TUSC3: variants seen among roughly 807,000 people sequenced by gnomAD.
The protein encoded by TUSC3 is dolichyl-diphosphooligosaccharide--protein glycosyltransferase subunit TUSC3.
A neutral mutation model predicts 44.8 loss-of-function variants in TUSC3; 45 were observed. That is an observed-to-expected ratio of 1.00 (90% confidence interval 0.79 to 1.29). The LOEUF is 1.29. Among genes scored for constraint, TUSC3 ranks in the 50% most tolerant of loss-of-function variants. The probability of loss-of-function intolerance (pLI) is 0.00; values close to 1 mark genes in which losing one functional copy is unlikely to be tolerated. For missense variants in TUSC3, 519 were observed against 437.9 expected (o/e 1.19, Z -1.65); for synonymous variants, 212 against 152.9 (o/e 1.39, Z -2.85).
chr8:15,833,596 C>G, the TUSC3 span, among the ~76,000 whole-genome samples: 2 of 152,042 alleles, frequency 1.3e-5, no homozygotes, highest in Admixed American at 6.6e-5. Flanking sequence ...AACAGAAAAC[C>G]AAATACCACA....
chr8:15,457,107 A>T (rs1330595207), intron 1 of TUSC3, among the ~76,000 whole-genome samples: 2 of 147,074 alleles, frequency 1.4e-5, no homozygotes, highest in African/African-American at 5.0e-5. Context: ...CATAGGTGGG[A>T]ATTGAACAAT....
chr8:15,651,773 A>G (rs1197121826), intron 3 of TUSC3, among the ~76,000 whole-genome samples: 1 of 152,120 alleles, frequency 6.6e-6, no homozygotes, highest in African/African-American at 2.4e-5. Context: ...CAAACTAATA[A>G]GCTTATTTAC....
chr8:15,614,915 C>T (rs1804923938), intron 1 of TUSC3, among the ~76,000 whole-genome samples: 1 of 136,886 alleles, frequency 7.3e-6, no homozygotes, highest in Non-Finnish European at 1.5e-5. Flanking sequence ...TACAGCTATT[C>T]AGGCTGTTAT....
At chr8:15,556,428 A>G (rs569007953) in intron 1 of TUSC3, among the ~76,000 whole-genome samples, 5 of 151,482 alleles carry the variant, frequency 3.3e-5, no homozygotes, top group Non-Finnish European at 5.9e-5. Flanking sequence ...GTTGGTTCCA[A>G]GTCTTTGCTG....
chr8:15,435,414 A>G (rs1284232609), intron 1 of TUSC3, among the ~76,000 whole-genome samples: 1 of 152,146 alleles, frequency 6.6e-6, no homozygotes, highest in Non-Finnish European at 1.5e-5. Flanking sequence ...AATTTTTTTG[A>G]TTTTAATACA....
chr8:15,473,441 A>C (rs1228379201), intron 1 of TUSC3, among the ~76,000 whole-genome samples: 1 of 152,232 alleles, frequency 6.6e-6, no homozygotes, highest in Non-Finnish European at 1.5e-5. Flanking sequence ...TTGCTCTTCA[A>C]CTTGAAGTCT....
intron 5 of TUSC3, among the ~76,000 whole-genome samples, chr8:15,663,943 T>G (rs544439928): frequency 2.0e-5 from 3 of 151,982 alleles, no homozygotes; most frequent in Non-Finnish European, 4.4e-5. Context: ...GTCACTATTT[T>G]AGTCTACCAA....
intron 6 of TUSC3, among the ~76,000 whole-genome samples, chr8:15,682,239 A>G (rs546402784): frequency 6.6e-6 from 1 of 152,180 alleles, no homozygotes; most frequent in Non-Finnish European, 1.5e-5. Context: ...TTATCTGTCT[A>G]ATGCTGTGAG....
intron 1 of TUSC3, among the ~76,000 whole-genome samples, chr8:15,544,114 G>T (rs777724346): frequency 6.6e-6 from 1 of 152,112 alleles, no homozygotes; most frequent in Non-Finnish European, 1.5e-5. Flanking sequence ...ATTGAATATA[G>T]TCATTAAAAA....
At chr8:15,610,987 C>T (rs866926946) in intron 1 of TUSC3, among the ~76,000 whole-genome samples, 2 of 152,008 alleles carry the variant, frequency 1.3e-5, no homozygotes, top group African/African-American at 4.8e-5. Flanking sequence ...ATTGTAGTAC[C>T]GTCCACTGAA....
chr8:15,640,468 G>A (rs779447617), intron 2 of TUSC3, among the ~76,000 whole-genome samples: 8 of 152,262 alleles, frequency 5.3e-5, no homozygotes, highest in Middle Eastern at 3.4e-3. Context: ...TACTGGGGAC[G>A]CCCAACACAC....
chr8:15,799,644 A>G, the TUSC3 span, among the ~76,000 whole-genome samples: 3,321 of 152,258 alleles, frequency 0.022, 108 homozygotes, highest in African/African-American at 0.076. Flanking sequence ...ACCTATTCCC[A>G]TGGACTTTTC....
the TUSC3 span, among the ~76,000 whole-genome samples, chr8:15,786,991 T>C: frequency 6.7e-6 from 1 of 150,008 alleles, no homozygotes; most frequent in Non-Finnish European, 1.5e-5. Flanking sequence ...AGATGAGATT[T>C]GAAGGTAGTA....
At chr8:15,736,873 T>C (rs116722292) in intron 7 of TUSC3, among the ~76,000 whole-genome samples, 3,042 of 152,258 alleles carry the variant, frequency 0.02, 105 homozygotes, top group African/African-American at 0.068. Flanking sequence ...TGAGTGGATA[T>C]AGAACACGTG....
At chr8:15,497,334 T>C (rs533408068) in intron 2 of TUSC3, among the ~76,000 whole-genome samples, 17 of 152,232 alleles carry the variant, frequency 1.1e-4, no homozygotes, top group African/African-American at 3.6e-4. Context: ...AAGAGACATA[T>C]CCTCAAGCTT....
intron 2 of TUSC3, among the ~76,000 whole-genome samples, chr8:15,632,459 T>G (rs1805815688): frequency 6.6e-6 from 1 of 152,200 alleles, no homozygotes; most frequent in South Asian, 2.1e-4. Context: ...ATCACTTGAT[T>G]AGGGTGATGG....
At chr8:15,537,980 A>C (rs951068971), upstream of TUSC3, among the ~76,000 whole-genome samples, 1 of 152,242 alleles carries the variant, frequency 6.6e-6, no homozygotes, top group Non-Finnish European at 1.5e-5. Context: ...GCAAGAGGCA[A>C]TTAGCCTGGG....
Position 15,480,641 on chromosome 8 carries a change from C to A in TUSC3, n.92-2745C>A, listed in dbSNP as rs937656059. Among the ~76,000 whole-genome samples the A allele has an allele frequency of 2.6e-5, 4 of 152,172 alleles. No homozygotes were observed. The South Asian group carries it at 8.3e-4, about 31-fold the overall frequency. ...TTCTACTTGAGGCTTCCCTCCTTGGCTTGCAGATGGCTGCCTCTTGTTTCC... is the reference window on the plus strand; with the variant it reads ...TTCTACTTGAGGCTTCCCTCCTTGGATTGCAGATGGCTGCCTCTTGTTTCC... On this transcript the variant is annotated intron_variant and non_coding_transcript_variant, in intron 1 of 5. Transcript: ENST00000503191.
chr8:15,678,070 T>C (rs751482594), intron 6 of TUSC3, among the ~76,000 whole-genome samples: 55 of 152,182 alleles, frequency 3.6e-4, no homozygotes, highest in Non-Finnish European at 6.9e-4. Context: ...CAGTCAGTAT[T>C]GTGAGCCACT....
Sources: allele counts gnomAD v4.1 joint callset (sites outside exome capture counted in the v4.1 genomes callset), GRCh38; gene constraint gnomAD v4.1.1; transcripts MANE v1.5; gene names NCBI Gene and HGNC (gene_info 2026-07-23, HGNC 2026-07-21).